WDR19: variants seen among roughly 807,000 people sequenced by gnomAD.
WDR19 encodes WD repeat-containing protein 19.
WDR19 carries 121 observed loss-of-function variants against 180.0 expected under a neutral mutation model. The observed-to-expected ratio is 0.67, with a 90% CI of 0.58 to 0.78. The LOEUF (loss-of-function observed/expected upper bound fraction) is 0.78. Ranked by LOEUF, WDR19 falls within the 30% of genes least tolerant of loss-of-function variation. WDR19 has a pLI of 0.00. For missense variants in WDR19, 1,450 were observed against 1,640.7 expected (o/e 0.88, Z 2.01); for synonymous variants, 497 against 540.7 (o/e 0.92, Z 1.12).
chr4:39,213,703 A>AAC (rs776232590), intron 9 of WDR19, among the ~76,000 whole-genome samples: 2 of 152,166 alleles, frequency 1.3e-5, no homozygotes, highest in African/African-American at 2.4e-5. Context: ...AAAGTTACTA[A>AAC]ACACACACAC....
In WDR19 at chr4:39,244,510, A is replaced by G. The variant is rs1306179404; in HGVS notation, c.2603A>G (p.Tyr868Cys). Residue 868 changes from tyrosine to cysteine, a missense_variant, in exon 23 of 37, where the codon TAC becomes TGC. Coordinates refer to ENST00000399820, the MANE Select transcript of WDR19 (RefSeq NM_025132.4). Reference protein sequence around the residue: ...EAAQLYEKGLYYDKAASVYIR... With the variant: ...EAAQLYEKGLCYDKAASVYIR... ...GCCCAACTGTATGAAAAAGGTCTCT[A>G]CTACGATAAAGCAGCATCTGTTTAC... The G allele has an allele frequency of 2.5e-6, 4 of 1,613,908 alleles. No homozygotes were observed. The highest frequency in any genetic ancestry group is 2.5e-6 in the Non-Finnish European group (3 of 1,179,892).
rs1577943445 is a variant in WDR19 at position 39,231,811 on chromosome 4, G to A, written c.1997G>A (p.Trp666Ter). 1 of 1,582,712 alleles carries A rather than the reference G, an allele frequency of 6.3e-7. No homozygotes were observed. The highest frequency in any genetic ancestry group is 1.3e-5 in the African/African-American group (1 of 74,456). The change falls in exon 18 of 37, where the codon TGG becomes TAG. Residue 666 changes from tryptophan (W) to a stop codon, truncating the protein, a stop_gained. Coordinates refer to ENST00000399820, the MANE Select transcript of WDR19 (RefSeq NM_025132.4). LOFTEE classifies it high-confidence loss of function. ...NLMLKRFSDA[W>*]EMCRILNDEA... ...TTACATCCCAGGTTTTCTGATGCTT[G>A]GGAAATGTGCAGGATTCTGAATGAT...
chr4:39,277,382 C>G (rs1015577550), intron 34 of WDR19, among the ~76,000 whole-genome samples: 1 of 152,198 alleles, frequency 6.6e-6, no homozygotes, highest in African/African-American at 2.4e-5. Context: ...ATCAGACTAT[C>G]CCGGGCTCAG....
rs372257071 is a variant in WDR19, at chr4:39,253,889, A to G, written c.2877-17A>G. On this transcript the variant is annotated splice_polypyrimidine_tract_variant and intron_variant, in intron 25 of 36. Transcript: ENST00000399820. ...ATTTATATTAAGAGTCTAGCTAATT[A>G]AAGTACTTTGCTTTAGGTTTTTTCT... 2.2e-5 allele frequency: 35 copies of G among 1,581,068 alleles called. No homozygotes were observed. The highest frequency in any genetic ancestry group is 2.7e-5 in the African/African-American group (2 of 73,576).
intron 27 of WDR19, among the ~76,000 whole-genome samples, chr4:39,256,270 AGTTT>A (rs1733752799): frequency 6.6e-6 from 1 of 152,202 alleles, no homozygotes; most frequent in South Asian, 2.1e-4. Context: ...CCGCCTTTAG[AGTTT>A]GTCATCCTTC....
chr4:39,283,024 G>C (rs1232825118), intron 36 of WDR19, among the ~76,000 whole-genome samples: 2 of 152,082 alleles, frequency 1.3e-5, no homozygotes, highest in South Asian at 2.1e-4. Context: ...CTGCAATGTT[G>C]TATAATAGTA....
intron 3 of WDR19, among the ~76,000 whole-genome samples, chr4:39,188,631 AAAAAGAAAAGAAAGAAAG>A (rs1725819452): frequency 1.3e-5 from 2 of 151,648 alleles, no homozygotes; most frequent in Non-Finnish European, 2.9e-5. Context: ...AAAAAAAAAA[AAAAAGAAAAGAAAGAAAG>A]AAAAGAAAAT....
intron 6 of WDR19, 106 bp from the exon 7 acceptor site, chr4:39,203,536 A>T: frequency 1.1e-6 from 1 of 877,006 alleles, no homozygotes; most frequent in Non-Finnish European, 1.8e-6. Context: ...TCAGGTTCTT[A>T]GTCCAACATT....
chr4:39,224,610 C>T (rs1323044580), intron 14 of WDR19, among the ~76,000 whole-genome samples: 7 of 152,040 alleles, frequency 4.6e-5, no homozygotes. Flanking sequence ...CTTGGCCAGG[C>T]TGGTCTCGAA....
intron 14 of WDR19, among the ~76,000 whole-genome samples, chr4:39,223,754 T>G (rs1208085909): frequency 3.3e-5 from 5 of 152,230 alleles, no homozygotes. Flanking sequence ...GCAGTCTTGA[T>G]TACTATAGCT....
rs1729266547 is a variant in WDR19, at chr4:39,218,092, T to C, written c.1466T>C (p.Ile489Thr). 6.2e-7 allele frequency: 1 copy of C among 1,613,798 alleles called. No homozygotes were observed. The highest frequency in any genetic ancestry group is 1.7e-5 in the Admixed American group (1 of 59,996). ...LCHALTSDFL[I>T]YGTDTGVVQY... is the part of the protein sequence containing the mutation. ...CATGCCTTAACTAGTGATTTCCTCA[T>C]CTATGGTACAGATGTATGTATTGCC... The change falls in exon 14 of 37, where the codon ATC (isoleucine) becomes ACC (threonine). Residue 489 changes from isoleucine (I) to threonine (T), a missense_variant. By Grantham distance (89) the Ile-to-Thr change is moderately conservative. Coordinates refer to ENST00000399820, the MANE Select transcript of WDR19 (RefSeq NM_025132.4).
In WDR19 at chr4:39,231,930, A is replaced by G; in HGVS notation, c.2116A>G (p.Ile706Val). Residue 706 changes from isoleucine (I) to valine (V), a missense_variant, in exon 18 of 37, where the codon ATA becomes GTA. Ile to Val is a conservative substitution (Grantham distance 29). Coordinates refer to ENST00000399820, the MANE Select transcript of WDR19 (RefSeq NM_025132.4). ...TTATCGGAGAATTGGAAATGTTGGC[A>G]TAGTGATGTCCTTGGAACAAATAAA... Reference protein sequence around the residue: ...RVYRRIGNVGIVMSLEQIKGI... With the variant: ...RVYRRIGNVGVVMSLEQIKGI... 6.2e-7 allele frequency: 1 copy of G among 1,613,672 alleles called. No homozygotes were observed. The highest frequency in any genetic ancestry group is 8.5e-7 in the Non-Finnish European group (1 of 1,179,566).
At position 39,253,999 on chromosome 4, in the gene WDR19, C is replaced by T. The variant is rs975124747; in HGVS notation, c.2970C>T (p.His990=). 2 of 1,612,180 alleles carry T rather than the reference C, an allele frequency of 1.2e-6. No homozygotes were observed. The highest frequency in any genetic ancestry group is 2.2e-5 in the South Asian group (2 of 90,922). The change falls in exon 26 of 37, where the codon CAC becomes CAT. Residue 990 remains histidine (H), a synonymous_variant. Transcript: ENST00000399820. ...AAGCTTTCACACTGGCTCAGCAACACAACAAAATGGAAATCTATGCAGATA... is the reference window on the plus strand; with the variant it reads ...AAGCTTTCACACTGGCTCAGCAACATAACAAAATGGAAATCTATGCAGATA... ...NNEAFTLAQQ[H]NKMEIYADII...
Position 39,189,797 on chromosome 4 carries a change from A to C in WDR19, c.290+16A>C. The C allele has an allele frequency of 6.3e-7, 1 of 1,585,842 alleles. No homozygotes were observed. ...ATGGCATGAGGTAAGATAACTTTTT[A>C]ATTTTTTAAAGCTTCACTTAGAAAC... On this transcript the variant is annotated intron_variant, in intron 4 of 36. Transcript: ENST00000399820.
intron 15 of WDR19, among the ~76,000 whole-genome samples, chr4:39,225,268 T>C (rs1478128741): frequency 1.3e-5 from 2 of 152,152 alleles, no homozygotes; most frequent in African/African-American, 2.4e-5. Context: ...ATGGGAAAAA[T>C]AGTTATTATA....
At chr4:39,269,835 C>A in intron 30 of WDR19, 141 bp from the exon 31 acceptor site, 1 of 1,120,228 alleles carries the variant, frequency 8.9e-7, no homozygotes, top group Non-Finnish European at 1.3e-6. Flanking sequence ...AATAGGAAAT[C>A]TGCTGAGTTG....
intron 14 of WDR19, among the ~76,000 whole-genome samples, chr4:39,222,731 T>G (rs541508265): frequency 3.0e-4 from 46 of 152,332 alleles, no homozygotes; most frequent in African/African-American, 1.1e-3. Flanking sequence ...TGTTTTGAGA[T>G]CCTTGTAAAA....
intron 14 of WDR19, among the ~76,000 whole-genome samples, chr4:39,223,520 G>A (rs1256185554): frequency 2.6e-5 from 4 of 151,744 alleles, no homozygotes; most frequent in East Asian, 1.9e-4. Flanking sequence ...TAGTAGAGAC[G>A]GGGTTTCACC....
intron 5 of WDR19, among the ~76,000 whole-genome samples, chr4:39,198,719 G>A (rs763032998): frequency 1.3e-5 from 2 of 152,200 alleles, no homozygotes; most frequent in South Asian, 4.2e-4. Context: ...TACAAAAATG[G>A]CCAGGTGCGG....
Sources: gnomAD v4.1 joint callset for allele counts (sites outside exome capture counted in the v4.1 genomes callset) on GRCh38, gnomAD v4.1.1 for gene constraint, MANE v1.5 for transcripts, NCBI Gene and HGNC (gene_info 2026-07-23, HGNC 2026-07-21) for gene names.